EPC1: variants seen among roughly 807,000 people sequenced by gnomAD.
EPC1 encodes enhancer of polycomb 1.
Under a neutral mutation model 98.4 loss-of-function variants are expected in EPC1, and 12 were observed. The observed-to-expected ratio is 0.12, with a 90% CI of 0.08 to 0.20. The LOEUF (loss-of-function observed/expected upper bound fraction) is 0.20, where lower values mean the gene tolerates loss of function less well. Among genes scored for constraint, EPC1 ranks in the 10% least tolerant of loss-of-function variants. The pLI, the probability that EPC1 is intolerant of heterozygous loss-of-function variation, is 1.00. For missense variants in EPC1, 729 were observed against 990.5 expected (o/e 0.74, Z 3.54); for synonymous variants, 357 against 363.9 (o/e 0.98, Z 0.21).
At chr10:32,340,046 G>A (rs1838240640) in intron 1 of EPC1, among the ~76,000 whole-genome samples, 1 of 152,200 alleles carries the variant, frequency 6.6e-6, no homozygotes, top group Admixed American at 6.5e-5. Flanking sequence ...TTTGCCCCTA[G>A]ATTCACTCTA....
Position 32,347,039 on chromosome 10 carries a change from G to A in EPC1, c.-124C>T, listed in dbSNP as rs1838885257. ...GGGGACTTGAGGGGCGGAGCGCAGA[G>A]CCCGCCGTCCGGGCACTAACACCAG... On this transcript the variant is annotated 5_prime_UTR_variant, in exon 1 of 14. Coordinates refer to ENST00000319778, the MANE Select transcript of EPC1 (RefSeq NM_001272004.3). 19 of 1,479,066 alleles carry A rather than the reference G, an allele frequency of 1.3e-5. No homozygotes were observed. The South Asian group carries it at 1.3e-4, about 10-fold the overall frequency. The allele number at this position is 1,479,066 out of a possible 1,614,324, so 91.6% of individuals were successfully genotyped here.
intron 6 of EPC1, 67 bp downstream of exon 6, chr10:32,291,096 A>G: frequency 1.4e-6 from 2 of 1,471,968 alleles, no homozygotes; most frequent in East Asian, 4.6e-5. Context: ...TTTTCTTTTT[A>G]ACTTTCATTC....
chr10:32,348,345 T>G (rs1012469662), upstream of EPC1, among the ~76,000 whole-genome samples: 2 of 152,162 alleles, frequency 1.3e-5, no homozygotes, highest in Non-Finnish European at 2.9e-5. Context: ...AGTTTCAATT[T>G]GTATCTTAGT....
chr10:32,299,556 CATCATCATT>C (rs1426092027), intron 2 of EPC1, among the ~76,000 whole-genome samples: 3 of 151,762 alleles, frequency 2.0e-5, no homozygotes, highest in Non-Finnish European at 2.9e-5. Flanking sequence ...TCATCATCAT[CATCATCATT>C]ATTATTATTA....
Position 32,288,961 on chromosome 10 carries a change from C to A in EPC1, c.976-1687G>T, listed in dbSNP as rs561757781. Among the ~76,000 whole-genome samples, 600 of 151,950 alleles carry A rather than the reference C, an allele frequency of 3.9e-3. 2 individuals carry two copies. The highest frequency in any genetic ancestry group is 6.9e-3 in the Non-Finnish European group (469 of 67,976). On this transcript the variant is annotated intron_variant, in intron 6 of 13. Coordinates refer to ENST00000319778, the MANE Select transcript of EPC1 (RefSeq NM_001272004.3). Reference sequence around the variant, plus strand: ...AAAATTAGCCAGGCGTGGTGGCATGCGCCTGTAGTCCCAGCTATTTGGGAG... The same window carrying A: ...AAAATTAGCCAGGCGTGGTGGCATGAGCCTGTAGTCCCAGCTATTTGGGAG...
chr10:32,347,169 G>C, upstream of EPC1: 1 of 1,355,326 alleles, frequency 7.4e-7, no homozygotes, highest in Non-Finnish European at 9.5e-7. Flanking sequence ...GCGCTCTTCA[G>C]CCAACCCCAG....
At chr10:32,331,108 A>C (rs1056959318) in intron 1 of EPC1, among the ~76,000 whole-genome samples, 1 of 152,208 alleles carries the variant, frequency 6.6e-6, no homozygotes, top group African/African-American at 2.4e-5. Context: ...TTTAAATTGC[A>C]TTACAAAGAA....
chr10:32,292,895 T>C (rs769768457), intron 4 of EPC1, 93 bp downstream of exon 4: 5 of 873,234 alleles, frequency 5.7e-6, no homozygotes, highest in Non-Finnish European at 5.0e-6. Flanking sequence ...AAAGTCATAT[T>C]TGAATATAAA....
At chr10:32,331,608 C>T (rs1837646180) in intron 1 of EPC1, among the ~76,000 whole-genome samples, 1 of 151,776 alleles carries the variant, frequency 6.6e-6, no homozygotes, top group African/African-American at 2.4e-5. Flanking sequence ...TTAGAGATAA[C>T]ATATAAACTA....
At chr10:32,346,005 C>T (rs1274286748) in intron 1 of EPC1, among the ~76,000 whole-genome samples, 2 of 152,198 alleles carry the variant, frequency 1.3e-5, no homozygotes, top group African/African-American at 2.4e-5. Context: ...CAGAAAAAGT[C>T]AGGGATAGTG....
At chr10:32,341,509 T>G (rs1270154896) in intron 1 of EPC1, among the ~76,000 whole-genome samples, 1 of 152,170 alleles carries the variant, frequency 6.6e-6, no homozygotes, top group Non-Finnish European at 1.5e-5. Context: ...TTTACAAAAT[T>G]TAAGCTACAC....
intron 1 of EPC1, among the ~76,000 whole-genome samples, chr10:32,317,839 G>C (rs78027350): frequency 0.039 from 6,009 of 152,154 alleles, 150 homozygotes; most frequent in Non-Finnish European, 0.062. Context: ...TCAATTTCTA[G>C]AATACAAAAA....
chr10:32,329,986 G>A (rs938193741), intron 1 of EPC1, among the ~76,000 whole-genome samples: 1 of 152,186 alleles, frequency 6.6e-6, no homozygotes, highest in Non-Finnish European at 1.5e-5. Context: ...CAGTGCATGA[G>A]AATAAATGAG....
chr10:32,304,363 GT>G (rs1835749741), intron 2 of EPC1, among the ~76,000 whole-genome samples: 1 of 152,194 alleles, frequency 6.6e-6, no homozygotes, highest in Non-Finnish European at 1.5e-5. Context: ...ACAGAATGTG[GT>G]TTTAGTTAAC....
chr10:32,299,810 G>C (rs1835386321), intron 2 of EPC1, among the ~76,000 whole-genome samples: 2 of 152,098 alleles, frequency 1.3e-5, no homozygotes, highest in South Asian at 4.1e-4. Flanking sequence ...TGTGGAGAGA[G>C]CTTAAAGCCA....
intron 1 of EPC1, among the ~76,000 whole-genome samples, chr10:32,368,845 G>T (rs867080310): frequency 6.6e-6 from 1 of 152,140 alleles, no homozygotes; most frequent in East Asian, 1.9e-4. Flanking sequence ...CAAGTCTAGC[G>T]CTATTCAAGG....
intron 10 of EPC1, among the ~76,000 whole-genome samples, chr10:32,276,652 T>G (rs1836117490): frequency 1.3e-5 from 2 of 152,188 alleles, no homozygotes; most frequent in South Asian, 4.1e-4. Flanking sequence ...CCAGTGTGAA[T>G]GAGTAGAAAA....
intron 1 of EPC1, among the ~76,000 whole-genome samples, chr10:32,363,030 G>C (rs1320810911): frequency 6.7e-6 from 1 of 150,352 alleles, no homozygotes; most frequent in Non-Finnish European, 1.5e-5. Flanking sequence ...CATCCATAAA[G>C]GAAATCTATA....
chr10:32,352,631 T>G (rs1273280700), intron 1 of EPC1, among the ~76,000 whole-genome samples: 1 of 152,150 alleles, frequency 6.6e-6, no homozygotes, highest in Non-Finnish European at 1.5e-5. Context: ...AAATGCAAAA[T>G]AAGCCTCCCC....
Sources: gnomAD v4.1 joint callset for allele counts (sites outside exome capture counted in the v4.1 genomes callset) on GRCh38, gnomAD v4.1.1 for gene constraint, MANE v1.5 for transcripts, NCBI Gene and HGNC (gene_info 2026-07-23, HGNC 2026-07-21) for gene names.